MBNL1: variants seen among roughly 807,000 people sequenced by gnomAD.
MBNL1 encodes the protein muscleblind-like protein 1.
A neutral mutation model predicts 42.2 loss-of-function variants in MBNL1; 8 were observed. The observed-to-expected ratio is 0.19, with a 90% CI of 0.11 to 0.34. MBNL1 has a LOEUF of 0.34. Ranked by LOEUF, MBNL1 falls within the 10% of genes least tolerant of loss-of-function variation. The pLI, the probability that MBNL1 is intolerant of heterozygous loss-of-function variation, is 1.00. For missense variants in MBNL1, 309 were observed against 495.3 expected (o/e 0.62, Z 3.57); for synonymous variants, 169 against 173.9 (o/e 0.97, Z 0.22).
chr3:152,308,819 G>T (rs917899608), intron 2 of MBNL1, among the ~76,000 whole-genome samples: 44 of 141,928 alleles, frequency 3.1e-4, no homozygotes, highest in African/African-American at 4.1e-4. Flanking sequence ...GTTTTGTTTT[G>T]TTTTTTTTTT....
chr3:152,328,748 C>T (rs1284688071), intron 2 of MBNL1, among the ~76,000 whole-genome samples: 1 of 152,064 alleles, frequency 6.6e-6, no homozygotes, highest in Admixed American at 6.6e-5. Flanking sequence ...ATTGTGATAT[C>T]TGTTAATTCT....
At chr3:152,252,169 TTCCTTCCTTCCC>T (rs1350270559) in intron 2 of MBNL1, among the ~76,000 whole-genome samples, 94 of 146,238 alleles carry the variant, frequency 6.4e-4, no homozygotes, top group African/African-American at 2.0e-3. Context: ...CCTTCCTTCC[TTCCTTCCTTCCC>T]TCCTTCCTTC....
chr3:152,395,460 T>G (rs757000599), intron 2 of MBNL1, among the ~76,000 whole-genome samples: 65 of 152,316 alleles, frequency 4.3e-4, no homozygotes, highest in Admixed American at 7.8e-4. Flanking sequence ...ACAGAAGACA[T>G]TTGTGTGCTA....
At chr3:152,246,892 CA>C (rs2149354158) in intron 2 of MBNL1, among the ~76,000 whole-genome samples, 1 of 152,036 alleles carries the variant, frequency 6.6e-6, no homozygotes, top group South Asian at 2.1e-4. Flanking sequence ...ATGACCTTCC[CA>C]AAGTTGCTCA....
At chr3:152,353,372 A>C (rs1257152483) in intron 2 of MBNL1, among the ~76,000 whole-genome samples, 1 of 152,222 alleles carries the variant, frequency 6.6e-6, no homozygotes, top group Admixed American at 6.5e-5. Context: ...TCTTTTGGCT[A>C]GAATAATGTG....
chr3:152,271,160 T>G (rs1442650485), intron 1 of MBNL1, among the ~76,000 whole-genome samples: 1 of 152,334 alleles, frequency 6.6e-6, no homozygotes, highest in East Asian at 1.9e-4. Context: ...TTATTGCTTG[T>G]GTTTACATTT....
chr3:152,433,044 G>T (rs767450183), intron 4 of MBNL1, 124 bp downstream of exon 4: 58 of 794,214 alleles, frequency 7.3e-5, no homozygotes, highest in Non-Finnish European at 1.1e-4. Context: ...TTTGGCTTAG[G>T]GTTTGGAACA....
chr3:152,262,515 T>C (rs1215465093), intron 2 of MBNL1: 1 of 152,078 alleles, frequency 6.6e-6, no homozygotes, highest in African/African-American at 2.4e-5. Context: ...AAGAATACAA[T>C]GAGTAAGTAG....
intron 6 of MBNL1, 27 bp from the exon 7 acceptor site, chr3:152,455,515 C>T: frequency 6.2e-7 from 1 of 1,603,526 alleles, no homozygotes; most frequent in South Asian, 1.1e-5. Flanking sequence ...TCAAATCCAC[C>T]TTCCTGTTGC....
chr3:152,432,559 C>G lies in MBNL1; in HGVS notation c.346-158C>G, dbSNP rs188957857. On this transcript the variant is annotated intron_variant, in intron 3 of 9. Coordinates refer to ENST00000324210, the MANE Select transcript of MBNL1 (RefSeq NM_021038.5). ...GATGAATGTTTATTTAATAAAACAG[C>G]CTTACCCTAAATGATAGTAAATGAA... Among the ~76,000 whole-genome samples, 11 of 152,076 alleles carry G rather than the reference C, an allele frequency of 7.2e-5. No individual in the cohort carries two copies. In the East Asian group the frequency reaches 1.9e-3, roughly 27 times the overall value.
chr3:152,319,613 T>TA (rs2074950632), intron 2 of MBNL1, among the ~76,000 whole-genome samples: 1 of 90,104 alleles, frequency 1.1e-5, no homozygotes, highest in Non-Finnish European at 2.2e-5. Context: ...AGTTCTATAC[T>TA]GTTTTTTTTT....
chr3:152,338,272 G>A lies in MBNL1; in HGVS notation c.174+37905G>A, dbSNP rs1010080290. 14 of 985,370 alleles carry A rather than the reference G, an allele frequency of 1.4e-5. No homozygotes were observed. The African/African-American group carries it at 1.7e-4, about 12-fold the overall frequency. The allele number at this position is 985,370 out of a possible 1,614,324, so 61.0% of individuals were successfully genotyped here. On this transcript the variant is annotated intron_variant, in intron 2 of 9. Coordinates refer to ENST00000324210, the MANE Select transcript of MBNL1 (RefSeq NM_021038.5). ...TTTTCAAGCACTACCTGAGCTCTGT[G>A]CCAATTGTTCCTCTTCTCCCAGGGT...
intron 1 of MBNL1, chr3:152,269,504 G>T (rs1333217221): frequency 4.4e-6 from 2 of 455,042 alleles, no homozygotes; most frequent in Non-Finnish European, 8.8e-6. Context: ...GGCGGCTCCC[G>T]CATCCCTGGC....
intron 2 of MBNL1, among the ~76,000 whole-genome samples, chr3:152,358,283 G>A (rs931702590): frequency 6.6e-6 from 1 of 152,110 alleles, no homozygotes; most frequent in Non-Finnish European, 1.5e-5. Flanking sequence ...TCTTTGATTA[G>A]TGATATTTTA....
intron 2 of MBNL1, among the ~76,000 whole-genome samples, chr3:152,383,528 T>G (rs771123994): frequency 6.6e-6 from 1 of 151,980 alleles, no homozygotes; most frequent in Non-Finnish European, 1.5e-5. Context: ...GTGGAATACA[T>G]TATATTAGAC....
At chr3:152,340,891 G>A in intron 2 of MBNL1, 1 of 1,611,142 alleles carries the variant, frequency 6.2e-7, no homozygotes, top group East Asian at 2.2e-5. Flanking sequence ...CTGTGGGCCA[G>A]GGTCCATCTG....
intron 3 of MBNL1, among the ~76,000 whole-genome samples, chr3:152,430,928 C>T (rs1174242126): frequency 6.6e-6 from 1 of 152,200 alleles, no homozygotes; most frequent in Non-Finnish European, 1.5e-5. Context: ...GCATTCAAAC[C>T]AACATGTTCA....
chr3:152,343,592 AG>A (rs964638224), intron 2 of MBNL1, among the ~76,000 whole-genome samples: 3 of 152,152 alleles, frequency 2.0e-5, no homozygotes, highest in Non-Finnish European at 2.9e-5. Context: ...AAGCCATCAA[AG>A]GGGTTAGAAA....
At chr3:152,395,747 T>A (rs1251387119) in intron 2 of MBNL1, among the ~76,000 whole-genome samples, 6 of 152,244 alleles carry the variant, frequency 3.9e-5, no homozygotes, top group Non-Finnish European at 7.3e-5. Context: ...AACTCTGAAC[T>A]TAACCTCCCC....
Sources: allele counts gnomAD v4.1 joint callset (sites outside exome capture counted in the v4.1 genomes callset), GRCh38; gene constraint gnomAD v4.1.1; transcripts MANE v1.5; gene names NCBI Gene and HGNC (gene_info 2026-07-23, HGNC 2026-07-21).